INTS2: variants seen among roughly 807,000 people sequenced by gnomAD.
The protein encoded by INTS2 is integrator complex subunit 2, also known as KIAA1287.
Under a neutral mutation model 139.6 loss-of-function variants are expected in INTS2, and 57 were observed. That is an observed-to-expected ratio of 0.41 (90% CI 0.33 to 0.51). INTS2 has a LOEUF of 0.51. Ranked by LOEUF, INTS2 falls within the 20% of genes least tolerant of loss-of-function variation. INTS2 has a pLI of 0.28. For missense variants in INTS2, 1,196 were observed against 1,436.7 expected, an observed-to-expected ratio of 0.83 and a Z score of 2.71; for synonymous variants, 473 against 493.4, an observed-to-expected ratio of 0.96 and a Z score of 0.55.
In INTS2 at chr17:61,925,005, G is replaced by C; in HGVS notation, c.388C>G (p.Arg130Gly). The part of the protein sequence containing the change: ...LEFEHSDSPR[R>G]LRLVLSELLA... ...AGTTCACTAAGCACAAGACGCAATC[G>C]ACGAGGTGAATCACTGTGTTCAAAC... Residue 130 changes from arginine (R) to glycine (G), a missense_variant, in exon 3 of 25, where the codon CGA (arginine) becomes GGA (glycine). Transcript: ENST00000251334. 1 of 1,613,356 alleles carries C rather than the reference G, an allele frequency of 6.2e-7. No homozygotes were observed. The highest frequency in any genetic ancestry group is 8.5e-7 in the Non-Finnish European group (1 of 1,179,688).
chr17:61,901,532 A>T lies in INTS2; in HGVS notation c.1307+2928T>A, dbSNP rs375987069. 8.1e-4 allele frequency among the ~76,000 whole-genome samples: 120 copies of T among 147,498 alleles called. 1 individual carries two copies. In the East Asian group the frequency reaches 0.016, roughly 20 times the overall value. ...CTTAGAAATTAAAGACTGAATAGGA[A>T]TTGAAGATAAAGTTAAAGACAAATC... On this transcript the variant is annotated intron_variant, in intron 9 of 24. Coordinates refer to ENST00000251334, the MANE Select transcript of INTS2 (RefSeq NM_001351695.2).
intron 5 of INTS2, among the ~76,000 whole-genome samples, chr17:61,917,958 A>G (rs1203308108): frequency 6.6e-6 from 1 of 152,210 alleles, no homozygotes; most frequent in Non-Finnish European, 1.5e-5. Flanking sequence ...TCAATTCATC[A>G]TAAAGATATA....
Position 61,893,433 on chromosome 17 carries a change from C to A in INTS2, c.1698+332G>T, listed in dbSNP as rs1390583681. On this transcript the variant is annotated intron_variant, in intron 13 of 24. Transcript: ENST00000251334. This position sits in a 1 kb window ranked among gnomAD's most constrained non-coding sequence, Gnocchi z 5.4. The stretch of plus-strand genomic sequence containing the variant: ...AATGTAGGCCAGGCACAGTGGCTCA[C>A]GCCTGTAATCCCAGCACTTTGGTCG... Among the ~76,000 whole-genome samples, 5 of 152,052 alleles carry A rather than the reference C, an allele frequency of 3.3e-5. No homozygotes were observed. The highest frequency in any genetic ancestry group is 1.9e-4 in the East Asian group (1 of 5,198).
chr17:61,907,737 T>C (rs2079481252), intron 7 of INTS2, 103 bp from the exon 8 acceptor site: 5 of 816,664 alleles, frequency 6.1e-6, no homozygotes, highest in Non-Finnish European at 9.7e-6. Context: ...CAAATTGGCC[T>C]ATTTGAAGAG....
rs137881796 is a variant in INTS2, at chr17:61,873,720, C to T, written c.2582+1193G>A. Among the ~76,000 whole-genome samples, 10 of 152,248 alleles carry T rather than the reference C, an allele frequency of 6.6e-5. No homozygotes were observed. The East Asian group carries it at 1.4e-3, about 21-fold the overall frequency. ...GCTAATTTTGTAGATTTTGTCACTT[C>T]GAGAATGTCATCCCTTGGTTGATGA... On this transcript the variant is annotated intron_variant, in intron 19 of 24. Transcript: ENST00000251334. The surrounding 1 kb of genome is among the most constrained non-coding windows in gnomAD (Gnocchi z 4.0).
chr17:61,903,863 T>C (rs888582431), intron 9 of INTS2, among the ~76,000 whole-genome samples: 2 of 152,154 alleles, frequency 1.3e-5, no homozygotes, highest in Non-Finnish European at 2.9e-5. Context: ...GAGAACTAAT[T>C]TCTCATCTTT....
intron 9 of INTS2, among the ~76,000 whole-genome samples, chr17:61,900,431 G>A (rs1173026300): frequency 6.6e-6 from 1 of 152,152 alleles, no homozygotes; most frequent in Non-Finnish European, 1.5e-5. Flanking sequence ...GGACAACCAG[G>A]TATATCTGGA....
At chr17:61,907,149 A>G (rs1447287240) in intron 8 of INTS2, among the ~76,000 whole-genome samples, 1 of 152,108 alleles carries the variant, frequency 6.6e-6, no homozygotes, top group Non-Finnish European at 1.5e-5. Context: ...GTTTCTTTAA[A>G]CTGTGATTGG....
At position 61,869,986 on chromosome 17, in the gene INTS2, A is replaced by G; in HGVS notation, c.2781T>C (p.Asp927=). Residue 927 remains aspartate (D), a splice_region_variant and synonymous_variant, in exon 21 of 25, where the codon GAT becomes GAC. Coordinates refer to ENST00000251334, the MANE Select transcript of INTS2 (RefSeq NM_001351695.2). The surrounding 1 kb of genome is among the most constrained non-coding windows in gnomAD (Gnocchi z 5.4). ...CTAAGAGAATCTGGACAGCTGCACT[A>G]TCCTATAAGCAAACAAAACATAGAA... ...ELKNALLAAQ[D]SAAVQILLEI... is the part of the protein sequence containing the mutation. The G allele has an allele frequency of 6.2e-7, 1 of 1,610,694 alleles. No individual in the cohort carries two copies. The highest frequency in any genetic ancestry group is 8.5e-7 in the Non-Finnish European group (1 of 1,178,366).
At chr17:61,914,451 G>T (rs1225983241) in intron 5 of INTS2, among the ~76,000 whole-genome samples, 1 of 152,126 alleles carries the variant, frequency 6.6e-6, no homozygotes, top group Non-Finnish European at 1.5e-5. Context: ...TATAATCCCA[G>T]CACTTTGGGA....
In INTS2 at chr17:61,927,841, A is replaced by C; in HGVS notation, c.-206T>G. The C allele has an allele frequency of 6.2e-7, 1 of 1,613,714 alleles. No individual in the cohort carries two copies. Among genetic ancestry groups the C allele is most frequent in the East Asian group, 2.2e-5 (1 of 44,862 alleles). On this transcript the variant is annotated 5_prime_UTR_variant, in exon 1 of 25. Transcript: ENST00000251334. Reference sequence around the variant, plus strand: ...GACGCCGGGACCAACCGGGTTGTCGATACAAAGTGGGAAGGATGGGGGCAC... The same window carrying C: ...GACGCCGGGACCAACCGGGTTGTCGCTACAAAGTGGGAAGGATGGGGGCAC...
Position 61,927,824 on chromosome 17 carries a change from G to A in INTS2, c.-189C>T. 6.2e-7 allele frequency: 1 copy of A among 1,612,276 alleles called. No individual in the cohort carries two copies. The highest frequency in any genetic ancestry group is 1.7e-4 in the Middle Eastern group (1 of 6,056). ...CGGACACCAAGAACTCAGACGCCGGGACCAACCGGGTTGTCGATACAAAGT... is the reference window on the plus strand; with the variant it reads ...CGGACACCAAGAACTCAGACGCCGGAACCAACCGGGTTGTCGATACAAAGT... On this transcript the variant is annotated 5_prime_UTR_variant, in exon 1 of 25. Transcript: ENST00000251334.
In INTS2 at chr17:61,891,562, T is replaced by A; in HGVS notation, c.1826A>T (p.Gln609Leu). ...ASKSNPEATN[Q>L]PVTEQEILNI... is the part of the protein sequence containing the mutation. ...GAGTATCTCCTGTTCTGTGACTGGC[T>A]GATTTGTGGCTTCTGGATTAGATTT... Residue 609 changes from glutamine (Q) to leucine (L), a missense_variant, in exon 14 of 25, where the codon CAG (glutamine) becomes CTG (leucine). By Grantham distance (113) the Gln-to-Leu change is moderately radical. Around this residue, in one of 3 missense-constraint regions of INTS2, gnomAD observed 1,129 missense variants for 1,341.9 expected, o/e 0.84. Transcript: ENST00000251334. 2 of 1,613,860 alleles carry A rather than the reference T, an allele frequency of 1.2e-6. No homozygotes were observed. Among genetic ancestry groups the A allele is most frequent in the Non-Finnish European group, 1.7e-6 (2 of 1,179,786 alleles).
intron 16 of INTS2, 98 bp from the exon 17 acceptor site, chr17:61,881,269 A>G (rs2079175949): frequency 1.1e-6 from 1 of 950,058 alleles, no homozygotes; most frequent in East Asian, 2.6e-5. Context: ...CCCACAAGGA[A>G]AGAGGGTTAT....
chr17:61,878,369 C>A (rs2079144776), intron 17 of INTS2, among the ~76,000 whole-genome samples: 1 of 151,282 alleles, frequency 6.6e-6, no homozygotes, highest in African/African-American at 2.4e-5. Flanking sequence ...TCGAGATCAG[C>A]CTGGCCAACA....
In INTS2 at chr17:61,899,482, C is replaced by A. The variant is rs191107822; in HGVS notation, c.1308-1743G>T. ...GGCCAGGCTGGTCTCGAACTCCTGACCTTTAGGTGATCCACCCACCTTGGC... is the reference window on the plus strand; with the variant it reads ...GGCCAGGCTGGTCTCGAACTCCTGAACTTTAGGTGATCCACCCACCTTGGC... On this transcript the variant is annotated intron_variant, in intron 9 of 24. Coordinates refer to ENST00000251334, the MANE Select transcript of INTS2 (RefSeq NM_001351695.2). Among the ~76,000 whole-genome samples, 737 of 152,044 alleles carry A rather than the reference C, an allele frequency of 4.8e-3. 5 individuals are homozygous for A. Among genetic ancestry groups the A allele is most frequent in the African/African-American group, 0.017 (695 of 41,494 alleles).
chr17:61,867,822 T>C lies in INTS2; in HGVS notation c.3421+11A>G. 6.4e-7 allele frequency: 1 copy of C among 1,572,804 alleles called. No homozygotes were observed. Among genetic ancestry groups the C allele is most frequent in the Non-Finnish European group, 8.6e-7 (1 of 1,163,216 alleles). On this transcript the variant is annotated intron_variant, in intron 24 of 24. Coordinates refer to ENST00000251334, the MANE Select transcript of INTS2 (RefSeq NM_001351695.2). The surrounding 1 kb of genome is among the most constrained non-coding windows in gnomAD (Gnocchi z 5.6). ...TATTAAGATAACCCTTGAAAATAAGTTACCACTTACGTGTAATAATTGGAT... is the reference window on the plus strand; with the variant it reads ...TATTAAGATAACCCTTGAAAATAAGCTACCACTTACGTGTAATAATTGGAT...
intron 8 of INTS2, among the ~76,000 whole-genome samples, chr17:61,905,492 A>G (rs2143070219): frequency 1.3e-5 from 2 of 152,124 alleles, no homozygotes; most frequent in South Asian, 4.1e-4. Flanking sequence ...ATTCCCAGCT[A>G]ATTTTTGTAT....
intron 3 of INTS2, among the ~76,000 whole-genome samples, chr17:61,922,485 G>A (rs1295963231): frequency 4.7e-3 from 264 of 56,296 alleles, no homozygotes; most frequent in Middle Eastern, 0.011. Context: ...AAAAAAAAAA[G>A]AAAAAGAAAA....
Sources: allele counts gnomAD v4.1 joint callset (sites outside exome capture counted in the v4.1 genomes callset), GRCh38; gene constraint gnomAD v4.1.1; regional missense constraint gnomAD v4.1.1; non-coding constraint Gnocchi (gnomAD v3.1); transcripts MANE v1.5; gene names NCBI Gene and HGNC (gene_info 2026-07-23, HGNC 2026-07-21).